The following CNTNAP2 variants were observed in gnomAD, a reference collection of about 807,000 sequenced individuals.
CNTNAP2 encodes the protein contactin associated protein 2, also known as contactin-associated protein-like 2.
Under a neutral mutation model 155.2 loss-of-function variants are expected in CNTNAP2, and 98 were observed. The observed-to-expected ratio is 0.63, with a 90% CI of 0.54 to 0.75. The LOEUF (loss-of-function observed/expected upper bound fraction) is 0.75, where lower values mean the gene tolerates loss of function less well. CNTNAP2 is among the 30% of genes least tolerant of loss of function. The pLI, the probability that CNTNAP2 is intolerant of heterozygous loss-of-function variation, is 0.00. For missense variants in CNTNAP2, 1,727 were observed against 1,688.1 expected, an observed-to-expected ratio of 1.02 and a Z score of -0.40; for synonymous variants, 651 against 631.2, an observed-to-expected ratio of 1.03 and a Z score of -0.47.
At chr7:147,683,842 C>A in intron 13 of CNTNAP2, among the ~76,000 whole-genome samples, 1 of 148,062 alleles carries the variant, frequency 6.8e-6, no homozygotes. Context: ...TTTTTAATGA[C>A]TGCCAAAATC....
chr7:146,564,482 T>C (rs1464815379), intron 1 of CNTNAP2, among the ~76,000 whole-genome samples: 1 of 149,928 alleles, frequency 6.7e-6, no homozygotes, highest in Non-Finnish European at 1.5e-5. Context: ...ATGTTTCATA[T>C]ATCATATATA....
intron 4 of CNTNAP2, among the ~76,000 whole-genome samples, chr7:147,069,349 T>A (rs373863990): frequency 6.6e-6 from 1 of 152,170 alleles, no homozygotes; most frequent in African/African-American, 2.4e-5. Context: ...CTATGCTGTA[T>A]AACATAACCA....
Position 146,536,383 on chromosome 7 carries a change from G to A in CNTNAP2, c.98-237888G>A, listed in dbSNP as rs963460982. Among the ~76,000 whole-genome samples the A allele has an allele frequency of 4.6e-5, 7 of 152,036 alleles. No individual in the cohort carries two copies. The South Asian group carries it at 6.2e-4, about 13-fold the overall frequency. ...ATAATAAAGGAAACCCTTTCCAAAT[G>A]GGGATTTATGTTTGAGAATTCAGTA... On this transcript the variant is annotated intron_variant, in intron 1 of 23. Coordinates refer to ENST00000361727, the MANE Select transcript of CNTNAP2 (RefSeq NM_014141.6).
At chr7:147,722,112 T>A (rs887558961) in intron 13 of CNTNAP2, among the ~76,000 whole-genome samples, 3 of 152,192 alleles carry the variant, frequency 2.0e-5, no homozygotes, top group Non-Finnish European at 4.4e-5. Context: ...TCTAAAGAAC[T>A]GGGGCTAGCC....
At chr7:147,887,224 C>A (rs1799617100) in intron 13 of CNTNAP2, among the ~76,000 whole-genome samples, 1 of 152,190 alleles carries the variant, frequency 6.6e-6, no homozygotes, top group Admixed American at 6.5e-5. Context: ...GTAATCCCAG[C>A]ACTTTGGGAG....
intron 20 of CNTNAP2, among the ~76,000 whole-genome samples, chr7:148,236,616 A>G (rs139057213): frequency 2.0e-5 from 3 of 152,162 alleles, no homozygotes; most frequent in African/African-American, 7.2e-5. Context: ...AGTTTTACAA[A>G]ATATTTTATT....
intron 1 of CNTNAP2, among the ~76,000 whole-genome samples, chr7:146,438,773 G>C (rs772259330): frequency 7.9e-5 from 12 of 151,402 alleles, no homozygotes; most frequent in Non-Finnish European, 1.5e-4. Context: ...ATTAAGATAG[G>C]TTTTTTATTG....
chr7:147,175,251 GC>G (rs1429753728), intron 8 of CNTNAP2, among the ~76,000 whole-genome samples: 1 of 105,850 alleles, frequency 9.4e-6, no homozygotes, highest in Non-Finnish European at 1.9e-5. Context: ...GAAATATGCA[GC>G]CCTTCTGCTC....
intron 16 of CNTNAP2, among the ~76,000 whole-genome samples, chr7:148,139,072 G>A (rs1168217863): frequency 6.6e-6 from 1 of 152,106 alleles, no homozygotes; most frequent in South Asian, 2.1e-4. Flanking sequence ...ATAATAAAAA[G>A]CTTAAAGGCC....
chr7:146,917,711 G>A (rs922218369), intron 3 of CNTNAP2, among the ~76,000 whole-genome samples: 4 of 152,196 alleles, frequency 2.6e-5, no homozygotes, highest in South Asian at 2.1e-4. Flanking sequence ...TACCCATGAT[G>A]TTGATTAAGT....
At chr7:146,879,857 A>C (rs924323526) in intron 3 of CNTNAP2, among the ~76,000 whole-genome samples, 4 of 152,268 alleles carry the variant, frequency 2.6e-5, no homozygotes, top group African/African-American at 7.2e-5. Context: ...AAGAAAAAGA[A>C]GTTTAATGGG....
chr7:146,407,572 A>G (rs1795810275), intron 1 of CNTNAP2, among the ~76,000 whole-genome samples: 1 of 152,174 alleles, frequency 6.6e-6, no homozygotes, highest in Non-Finnish European at 1.5e-5. Context: ...CTGTAGAGAA[A>G]ACCAACATAG....
chr7:147,780,365 T>C (rs1797645078), intron 13 of CNTNAP2, among the ~76,000 whole-genome samples: 1 of 152,222 alleles, frequency 6.6e-6, no homozygotes, highest in Non-Finnish European at 1.5e-5. Context: ...AGCAATACTT[T>C]TACATTAACA....
At chr7:146,834,312 A>G (rs1356385798) in intron 2 of CNTNAP2, among the ~76,000 whole-genome samples, 1 of 152,206 alleles carries the variant, frequency 6.6e-6, no homozygotes, top group African/African-American at 2.4e-5. Flanking sequence ...AGTTTCTTCA[A>G]TTATTCAGAT....
At chr7:147,836,048 G>A (rs1296510812) in intron 13 of CNTNAP2, among the ~76,000 whole-genome samples, 2 of 152,096 alleles carry the variant, frequency 1.3e-5, no homozygotes, top group African/African-American at 2.4e-5. Flanking sequence ...GTGGTTTTAG[G>A]CCATCAAGTT....
At chr7:148,042,032 G>A (rs887097243) in intron 15 of CNTNAP2, among the ~76,000 whole-genome samples, 7 of 152,160 alleles carry the variant, frequency 4.6e-5, no homozygotes, top group African/African-American at 1.7e-4. Context: ...TGGGAAGATT[G>A]AAAGGTCAGC....
intron 1 of CNTNAP2, among the ~76,000 whole-genome samples, chr7:146,696,075 T>C (rs1800778377): frequency 6.6e-6 from 1 of 152,222 alleles, no homozygotes; most frequent in Non-Finnish European, 1.5e-5. Context: ...AAGTATTCCC[T>C]GTGTTTATAT....
At chr7:146,535,036 A>G (rs559574031) in intron 1 of CNTNAP2, among the ~76,000 whole-genome samples, 1 of 105,196 alleles carries the variant, frequency 9.5e-6, no homozygotes, top group Non-Finnish European at 1.9e-5. Context: ...TTTCTAATAA[A>G]ATGTAGTTTT....
chr7:147,786,064 G>T (rs1797733978), intron 13 of CNTNAP2, among the ~76,000 whole-genome samples: 1 of 151,908 alleles, frequency 6.6e-6, no homozygotes, highest in South Asian at 2.1e-4. Context: ...GGCTGAGGCG[G>T]GTGGATCATG....
Sources: allele counts gnomAD v4.1 joint callset (sites outside exome capture counted in the v4.1 genomes callset), GRCh38; gene constraint gnomAD v4.1.1; transcripts MANE v1.5; gene names NCBI Gene and HGNC (gene_info 2026-07-23, HGNC 2026-07-21).